ANO10: variants seen among roughly 807,000 people sequenced by gnomAD.
ANO10 encodes the protein anoctamin 10.
In ANO10, 77 loss-of-function variants were observed where a neutral mutation model predicts 74.7. That is an observed-to-expected ratio of 1.03 (90% CI 0.86 to 1.25). The LOEUF is 1.25. Among genes scored for constraint, ANO10 ranks in the 50% most tolerant of loss-of-function variants. ANO10 has a pLI of 0.00. For synonymous variants in ANO10, 279 were observed against 284.9 expected (o/e 0.98, Z 0.21); for missense variants, 721 against 778.1 (o/e 0.93, Z 0.87).
At chr3:43,632,108 G>C (rs2083554826) in intron 1 of ANO10, among the ~76,000 whole-genome samples, 1 of 151,530 alleles carries the variant, frequency 6.6e-6, no homozygotes, top group Admixed American at 6.6e-5. Context: ...TTACAAAATT[G>C]TAATTATCTC....
chr3:43,531,073 A>T (rs76545058), intron 11 of ANO10, among the ~76,000 whole-genome samples: 2 of 152,228 alleles, frequency 1.3e-5, no homozygotes, highest in Admixed American at 1.3e-4. Context: ...AAACCTGTGT[A>T]ATATGACTAA....
chr3:43,528,927 C>T (rs1378825871), intron 11 of ANO10, among the ~76,000 whole-genome samples: 1 of 152,102 alleles, frequency 6.6e-6, no homozygotes, highest in Non-Finnish European at 1.5e-5. Context: ...TCACTGTACT[C>T]CAGCCTGGGC....
chr3:43,580,819 G>A (rs892573203), intron 4 of ANO10, among the ~76,000 whole-genome samples: 2 of 151,932 alleles, frequency 1.3e-5, no homozygotes, highest in African/African-American at 4.8e-5. Context: ...TATATTTTAA[G>A]AACAAAAATA....
intron 11 of ANO10, among the ~76,000 whole-genome samples, chr3:43,527,154 A>T (rs965834542): frequency 3.3e-5 from 5 of 152,178 alleles, no homozygotes; most frequent in African/African-American, 9.6e-5. Context: ...TTTCTGGGAA[A>T]GATTTTCACA....
At chr3:43,371,342 C>T (rs934764489) in intron 12 of ANO10, among the ~76,000 whole-genome samples, 4 of 152,180 alleles carry the variant, frequency 2.6e-5, no homozygotes, top group African/African-American at 9.7e-5. Flanking sequence ...CATAGGGTGT[C>T]TAGGAATGGA....
chr3:43,536,995 CA>C lies in ANO10; in HGVS notation c.1797+12724del, dbSNP rs5848666. Reference sequence around the variant, plus strand: ...CAAGATACAGAACAATTTCATCACTCAAAAAAAAAAAAAAAAAAAAAGCCCT... The same window carrying C: ...CAAGATACAGAACAATTTCATCACTCAAAAAAAAAAAAAAAAAAAAGCCCT... On this transcript the variant is annotated intron_variant, in intron 11 of 12. Transcript: ENST00000292246. Among the ~76,000 whole-genome samples, 196 of 78,604 alleles carry C rather than the reference CA, an allele frequency of 2.5e-3. 1 individual carries two copies. Among genetic ancestry groups the C allele is most frequent in the African/African-American group, 5.1e-3 (102 of 19,808 alleles). The allele number at this position is 78,604 out of a possible 152,430, so 51.6% of individuals were successfully genotyped here.
At chr3:43,412,769 G>A (rs923463259) in intron 12 of ANO10, among the ~76,000 whole-genome samples, 2 of 152,162 alleles carry the variant, frequency 1.3e-5, no homozygotes, top group African/African-American at 2.4e-5. Flanking sequence ...ATCTCGATGT[G>A]GCTGGGCACC....
At chr3:43,665,581 T>A (rs973418992) in intron 1 of ANO10, among the ~76,000 whole-genome samples, 13 of 152,148 alleles carry the variant, frequency 8.5e-5, no homozygotes, top group African/African-American at 1.4e-4. Context: ...AGGCACTTAT[T>A]ATGGAGAACT....
rs192713903 is a variant in ANO10 at position 43,615,855 on chromosome 3, G to T, written c.-12+6054C>A. Among the ~76,000 whole-genome samples the T allele has an allele frequency of 7.9e-5, 12 of 152,032 alleles. No individual in the cohort carries two copies. In the East Asian group the frequency reaches 1.9e-3, roughly 25 times the overall value. On this transcript the variant is annotated intron_variant, in intron 1 of 12. Coordinates refer to ENST00000292246, the MANE Select transcript of ANO10 (RefSeq NM_018075.5). ...TTTTTAGTAGAGACAGGGTTTCACC[G>T]TGTTAGCCAGGATGGTCTCGATCTC...
chr3:43,593,549 G>A (rs867708995), intron 4 of ANO10, among the ~76,000 whole-genome samples: 8 of 152,054 alleles, frequency 5.3e-5, no homozygotes, highest in East Asian at 1.9e-4. Context: ...CTTTACAGAC[G>A]AGCAAATGCT....
chr3:43,566,234 T>G (rs1047681637), intron 7 of ANO10, among the ~76,000 whole-genome samples: 1 of 152,088 alleles, frequency 6.6e-6, no homozygotes, highest in Non-Finnish European at 1.5e-5. Flanking sequence ...GAGATCAAAC[T>G]GCAAGGCGGC....
intron 5 of ANO10, among the ~76,000 whole-genome samples, chr3:43,579,374 A>C (rs1036371944): frequency 1.3e-5 from 2 of 152,206 alleles, no homozygotes; most frequent in Non-Finnish European, 2.9e-5. Flanking sequence ...TCAAAAATAG[A>C]AATTTTCAAA....
At chr3:43,635,154 A>G (rs1279620987) in intron 1 of ANO10, among the ~76,000 whole-genome samples, 1 of 152,198 alleles carries the variant, frequency 6.6e-6, no homozygotes, top group Admixed American at 6.5e-5. Context: ...GTGCAGCAGC[A>G]TGATCTTCTT....
intron 11 of ANO10, among the ~76,000 whole-genome samples, chr3:43,531,249 T>C (rs1054128944): frequency 6.6e-6 from 1 of 152,218 alleles, no homozygotes; most frequent in Non-Finnish European, 1.5e-5. Flanking sequence ...CAAATTATTT[T>C]ACTTTGGAGA....
At chr3:43,517,742 A>C (rs961324820) in intron 11 of ANO10, among the ~76,000 whole-genome samples, 1 of 152,182 alleles carries the variant, frequency 6.6e-6, no homozygotes, top group Non-Finnish European at 1.5e-5. Flanking sequence ...ACTACGTGTG[A>C]CCAAAATGAG....
chr3:43,414,015 A>C (rs1271258403), intron 12 of ANO10, among the ~76,000 whole-genome samples: 1 of 152,080 alleles, frequency 6.6e-6, no homozygotes, highest in African/African-American at 2.4e-5. Flanking sequence ...AAGGACCGAG[A>C]CCTTTCCAAG....
chr3:43,382,668 G>A (rs1384078007), intron 12 of ANO10, among the ~76,000 whole-genome samples: 1 of 152,110 alleles, frequency 6.6e-6, no homozygotes, highest in Non-Finnish European at 1.5e-5. Flanking sequence ...ATCCAAATAA[G>A]CTTAATTAGA....
intron 1 of ANO10, among the ~76,000 whole-genome samples, chr3:43,688,965 GAGCATTT>G (rs2084312824): frequency 6.6e-6 from 1 of 152,168 alleles, no homozygotes; most frequent in African/African-American, 2.4e-5. Context: ...AGGCCACAGG[GAGCATTT>G]ACTCACGGCA....
chr3:43,567,436 AG>A (rs1319253223), intron 7 of ANO10, among the ~76,000 whole-genome samples: 1 of 152,204 alleles, frequency 6.6e-6, no homozygotes. Context: ...CCACAGAGAA[AG>A]GTCGGGTTAC....
Sources: allele counts gnomAD v4.1 joint callset (sites outside exome capture counted in the v4.1 genomes callset), GRCh38; gene constraint gnomAD v4.1.1; transcripts MANE v1.5; gene names NCBI Gene and HGNC (gene_info 2026-07-23, HGNC 2026-07-21).